The following CADPS2 variants were observed in gnomAD, a reference collection of about 807,000 sequenced individuals.
CADPS2 encodes calcium dependent secretion activator 2, also known as calcium-dependent secretion activator 2.
Under a neutral mutation model 172.5 loss-of-function variants are expected in CADPS2, and 93 were observed. That is an observed-to-expected ratio of 0.54 (90% CI 0.46 to 0.64). The LOEUF is 0.64. CADPS2 is among the 30% of genes least tolerant of loss of function. CADPS2 has a pLI of 0.00. For missense variants in CADPS2, 1,420 were observed against 1,565.9 expected, an observed-to-expected ratio of 0.91 and a Z score of 1.57; for synonymous variants, 546 against 555.2, an observed-to-expected ratio of 0.98 and a Z score of 0.23.
intron 1 of CADPS2, among the ~76,000 whole-genome samples, chr7:122,855,261 C>T (rs549152721): frequency 2.0e-4 from 31 of 152,086 alleles, no homozygotes; most frequent in Admixed American, 7.9e-4. Flanking sequence ...ATTGTGGACA[C>T]GAAGAAAGGA....
chr7:122,449,449 G>A (rs560655862), intron 15 of CADPS2, among the ~76,000 whole-genome samples: 2 of 151,978 alleles, frequency 1.3e-5, no homozygotes, highest in Non-Finnish European at 2.9e-5. Context: ...TGGAGTAGCT[G>A]GGACCACAGG....
chr7:122,343,406 T>G (rs1234506561), intron 28 of CADPS2, among the ~76,000 whole-genome samples: 3 of 152,144 alleles, frequency 2.0e-5, no homozygotes, highest in Non-Finnish European at 4.4e-5. Flanking sequence ...ATTAAACTAG[T>G]GTTATATTTT....
Position 122,780,497 on chromosome 7 carries a change from A to AACC in CADPS2, c.340-43432_340-43430dup, listed in dbSNP as rs894798294. 2.6e-5 allele frequency among the ~76,000 whole-genome samples: 4 copies of AACC among 152,062 alleles called. No homozygotes were observed. In the South Asian group the frequency reaches 6.2e-4, roughly 24 times the overall value. On this transcript the variant is annotated intron_variant, in intron 1 of 29. Coordinates refer to ENST00000449022, the MANE Select transcript of CADPS2 (RefSeq NM_017954.11). Reference sequence around the variant, plus strand: ...TACATCTAATATTAATACCTCCAGGAACCACCACCACCACCCTGTCCCATC... The same window carrying AACC: ...TACATCTAATATTAATACCTCCAGGAACCACCACCACCACCACCCTGTCCCATC...
chr7:122,772,538 T>C (rs1290141247), intron 1 of CADPS2, among the ~76,000 whole-genome samples: 1 of 152,122 alleles, frequency 6.6e-6, no homozygotes, highest in Non-Finnish European at 1.5e-5. Flanking sequence ...ATTCAACAGA[T>C]ACAGTTAAAT....
intron 1 of CADPS2, among the ~76,000 whole-genome samples, chr7:122,824,386 T>C (rs538554972): frequency 5.3e-5 from 8 of 152,340 alleles, no homozygotes; most frequent in Middle Eastern, 3.4e-3. Flanking sequence ...TTTGAACTCA[T>C]AGGCAATGTC....
chr7:122,761,588 G>A (rs559542787), intron 1 of CADPS2, among the ~76,000 whole-genome samples: 119 of 151,838 alleles, frequency 7.8e-4, no homozygotes, highest in African/African-American at 2.9e-3. Flanking sequence ...CCAGCAGGAC[G>A]ACAAAAACCA....
chr7:122,585,339 G>A (rs1314567660), intron 6 of CADPS2, among the ~76,000 whole-genome samples: 2 of 151,332 alleles, frequency 1.3e-5, no homozygotes, highest in African/African-American at 4.8e-5. Flanking sequence ...GGCATAAATT[G>A]GCACCAATTT....
chr7:122,722,652 AAGCTAC>A (rs2090579313), intron 2 of CADPS2, among the ~76,000 whole-genome samples: 1 of 49,672 alleles, frequency 2.0e-5, no homozygotes, highest in African/African-American at 8.2e-5. Flanking sequence ...CATCCCCATC[AAGCTAC>A]CAATGACTTG....
chr7:122,648,524 A>G (rs1484430365), intron 3 of CADPS2, among the ~76,000 whole-genome samples: 1 of 152,066 alleles, frequency 6.6e-6, no homozygotes, highest in Non-Finnish European at 1.5e-5. Flanking sequence ...GTCATACACC[A>G]AGAGCCTAGA....
At chr7:122,562,332 G>A (rs2065879892) in intron 7 of CADPS2, among the ~76,000 whole-genome samples, 1 of 152,264 alleles carries the variant, frequency 6.6e-6, no homozygotes, top group Admixed American at 6.5e-5. Context: ...AGGCAGAAGA[G>A]TCAGTGTTGA....
intron 3 of CADPS2, among the ~76,000 whole-genome samples, chr7:122,656,314 T>A (rs2471187): frequency 2.6e-5 from 4 of 151,874 alleles, no homozygotes; most frequent in South Asian, 2.1e-4. Flanking sequence ...CAGATCCTTC[T>A]CTCTAGCAAA....
chr7:122,482,922 C>T (rs183311302), intron 11 of CADPS2, among the ~76,000 whole-genome samples: 38 of 152,302 alleles, frequency 2.5e-4, no homozygotes, highest in African/African-American at 9.1e-4. Flanking sequence ...AAGAAGCAAT[C>T]TAAAGGATTC....
At chr7:122,843,931 G>A (rs1300765852) in intron 1 of CADPS2, among the ~76,000 whole-genome samples, 2 of 152,200 alleles carry the variant, frequency 1.3e-5, no homozygotes, top group East Asian at 1.9e-4. Context: ...CCAACAAAAA[G>A]GGAAGCAAAG....
chr7:122,872,528 A>G (rs1820030895), intron 1 of CADPS2, among the ~76,000 whole-genome samples: 1 of 152,048 alleles, frequency 6.6e-6, no homozygotes, highest in South Asian at 2.1e-4. Context: ...AATATATGCA[A>G]TCCTTCTGAG....
intron 7 of CADPS2, among the ~76,000 whole-genome samples, chr7:122,560,763 A>C (rs1048392037): frequency 1.3e-5 from 2 of 152,168 alleles, no homozygotes; most frequent in Non-Finnish European, 2.9e-5. Context: ...CAGAGATTTT[A>C]TACTTTAGCA....
At chr7:122,625,352 A>G (rs532812503) in intron 4 of CADPS2, among the ~76,000 whole-genome samples, 41 of 152,244 alleles carry the variant, frequency 2.7e-4, no homozygotes, top group African/African-American at 9.1e-4. Flanking sequence ...ATCTAGCCCA[A>G]TTAATTTTGT....
At chr7:122,777,074 C>G (rs1261533487) in intron 1 of CADPS2, among the ~76,000 whole-genome samples, 2 of 152,102 alleles carry the variant, frequency 1.3e-5, no homozygotes, top group Non-Finnish European at 2.9e-5. Context: ...CTGCTTGAGC[C>G]TAGGAGACTG....
At chr7:122,709,359 A>G (rs1249078330) in intron 2 of CADPS2, among the ~76,000 whole-genome samples, 2 of 152,134 alleles carry the variant, frequency 1.3e-5, no homozygotes, top group African/African-American at 2.4e-5. Context: ...ACAATGAGAT[A>G]CCATCTTACA....
chr7:122,580,692 A>T (rs2068696359), intron 7 of CADPS2, among the ~76,000 whole-genome samples: 1 of 152,156 alleles, frequency 6.6e-6, no homozygotes, highest in African/African-American at 2.4e-5. Context: ...GAATAATGTT[A>T]AAAGGTGTGA....
Sources: gnomAD v4.1 joint callset for allele counts (sites outside exome capture counted in the v4.1 genomes callset) on GRCh38, gnomAD v4.1.1 for gene constraint, MANE v1.5 for transcripts, NCBI Gene and HGNC (gene_info 2026-07-23, HGNC 2026-07-21) for gene names.